PDK1: variants seen among roughly 807,000 people sequenced by gnomAD.
PDK1 encodes [Pyruvate dehydrogenase (acetyl-transferring)] kinase isozyme 1, mitochondrial.
A neutral mutation model predicts 54.2 loss-of-function variants in PDK1; 39 were observed. The observed-to-expected ratio is 0.72, with a 90% CI of 0.56 to 0.94. The LOEUF is 0.94. Ranked by LOEUF, PDK1 falls within the 40% of genes least tolerant of loss-of-function variation. The pLI, the probability that PDK1 is intolerant of heterozygous loss-of-function variation, is 0.00. For synonymous variants in PDK1, 221 were observed against 207.1 expected (o/e 1.07, Z -0.58); for missense variants, 552 against 566.0 (o/e 0.98, Z 0.25).
At position 172,584,515 on chromosome 2, in the gene PDK1, T is replaced by C. The variant is rs1690099479; in HGVS notation, c.946-1763T>C. ...TTCTTTTACTTAACTAATCCCCTAT[T>C]TAGGTTGTTTACTTTTAGGTATTCT... is the stretch of plus-strand genomic sequence containing the variant. On this transcript the variant is annotated intron_variant, in intron 8 of 10. Coordinates refer to ENST00000282077, the MANE Select transcript of PDK1 (RefSeq NM_002610.5). 3.3e-5 allele frequency among the ~76,000 whole-genome samples: 5 copies of C among 151,900 alleles called. No individual in the cohort carries two copies. In the South Asian group the frequency reaches 1.0e-3, roughly 32 times the overall value.
intron 8 of PDK1, among the ~76,000 whole-genome samples, chr2:172,583,294 T>TG (rs1558947403): frequency 2.3e-5 from 3 of 133,064 alleles, no homozygotes; most frequent in African/African-American, 5.9e-5. Flanking sequence ...TTTTTTTTTT[T>TG]TTTTTTTTTT....
chr2:172,684,282 T>C, the PDK1 span, among the ~76,000 whole-genome samples: 4 of 151,904 alleles, frequency 2.6e-5, no homozygotes, highest in Non-Finnish European at 2.9e-5. Context: ...ATTAGCCAGG[T>C]GTGGTGGTGC....
chr2:172,651,830 C>A, the PDK1 span, among the ~76,000 whole-genome samples: 1 of 152,088 alleles, frequency 6.6e-6, no homozygotes, highest in Non-Finnish European at 1.5e-5. Context: ...TAATTAATAG[C>A]CTACCAACCA....
chr2:172,647,826 C>A, the PDK1 span, among the ~76,000 whole-genome samples: 6 of 1,804 alleles, frequency 3.3e-3, no homozygotes, highest in Non-Finnish European at 0.022. Flanking sequence ...TTGTTAGTTT[C>A]TAAGGGAAGG....
At chr2:172,646,303 G>A in the PDK1 span, among the ~76,000 whole-genome samples, 2 of 152,154 alleles carry the variant, frequency 1.3e-5, no homozygotes, top group African/African-American at 4.8e-5. Flanking sequence ...TCATCTGAGA[G>A]AAGGATGCTA....
rs927389847 is a variant in PDK1 at position 172,601,816 on chromosome 2, G to GAA, written c.*5850_*5851dup. 5 of 152,042 alleles carry GAA rather than the reference G, an allele frequency of 3.3e-5. No homozygotes were observed. Among genetic ancestry groups the GAA allele is most frequent in the African/African-American group, 1.2e-4 (5 of 41,390 alleles). 9.4% of individuals were successfully genotyped at this position (152,042 alleles called of 1,614,324 possible). A position where few individuals can be genotyped will look rare whatever the true frequency, so the allele number is the denominator to read the frequency against. On this transcript the variant is annotated 3_prime_UTR_variant, in exon 11 of 11. Coordinates refer to ENST00000282077, the MANE Select transcript of PDK1 (RefSeq NM_002610.5). ...TCAGATAAACCTCCAGTCAGGAAAG[G>GAA]AAAAGGCCCAAATAAACAGTATTTA...
the PDK1 span, among the ~76,000 whole-genome samples, chr2:172,630,860 C>T: frequency 6.6e-6 from 1 of 152,114 alleles, no homozygotes; most frequent in Non-Finnish European, 1.5e-5. Context: ...GAACTCCTGA[C>T]CTCAAGCGAT....
chr2:172,617,423 C>G, the PDK1 span, among the ~76,000 whole-genome samples: 3 of 152,044 alleles, frequency 2.0e-5, no homozygotes, highest in Admixed American at 2.0e-4. Flanking sequence ...ACTGAGTAAT[C>G]TATAGAGAAT....
the PDK1 span, among the ~76,000 whole-genome samples, chr2:172,640,489 GAA>G: frequency 2.6e-5 from 4 of 152,118 alleles, no homozygotes; most frequent in Non-Finnish European, 5.9e-5. Context: ...AAGACTGAGA[GAA>G]AAAAATATAT....
chr2:172,653,208 C>G, the PDK1 span, among the ~76,000 whole-genome samples: 1 of 152,102 alleles, frequency 6.6e-6, no homozygotes, highest in Non-Finnish European at 1.5e-5. Flanking sequence ...CTGACAAAAA[C>G]AAGGAATAGG....
chr2:172,577,609 T>A (rs1053546280), intron 8 of PDK1, among the ~76,000 whole-genome samples: 2 of 152,170 alleles, frequency 1.3e-5, no homozygotes, highest in African/African-American at 4.8e-5. Context: ...TTGAGTTTTT[T>A]AAGTAATTAT....
chr2:172,582,106 T>G (rs189781212), intron 8 of PDK1, among the ~76,000 whole-genome samples: 113 of 152,120 alleles, frequency 7.4e-4, no homozygotes, highest in African/African-American at 2.6e-3. Context: ...AGAGACAGAG[T>G]TTCACCATGT....
the PDK1 span, among the ~76,000 whole-genome samples, chr2:172,683,344 CAAAA>C: frequency 6.2e-5 from 8 of 129,970 alleles, no homozygotes; most frequent in Non-Finnish European, 6.6e-5. Flanking sequence ...GAAACTCCGT[CAAAA>C]AAAAAAAAAA....
At chr2:172,567,160 A>G (rs570479181) in intron 6 of PDK1, among the ~76,000 whole-genome samples, 122 of 152,318 alleles carry the variant, frequency 8.0e-4, no homozygotes, top group Middle Eastern at 3.4e-3. Flanking sequence ...TTTTTAATTG[A>G]TAACTTTGAT....
chr2:172,622,942 T>C, the PDK1 span, among the ~76,000 whole-genome samples: 1 of 147,820 alleles, frequency 6.8e-6, no homozygotes, highest in Non-Finnish European at 1.5e-5. Context: ...ATATATGTTA[T>C]AAATATTTAG....
intron 1 of PDK1, 43 bp downstream of exon 1, chr2:172,556,389 G>T: frequency 7.5e-7 from 1 of 1,339,918 alleles, no homozygotes; most frequent in South Asian, 1.9e-5. Flanking sequence ...CGCGGTCCCG[G>T]GCGGGGAGCT....
the PDK1 span, among the ~76,000 whole-genome samples, chr2:172,628,679 C>G: frequency 6.6e-6 from 1 of 152,184 alleles, no homozygotes; most frequent in Non-Finnish European, 1.5e-5. Context: ...TCACCTAATA[C>G]TAGATTTCCC....
intron 2 of PDK1, among the ~76,000 whole-genome samples, chr2:172,560,932 T>C (rs1688622239): frequency 6.6e-6 from 1 of 152,238 alleles, no homozygotes; most frequent in South Asian, 2.1e-4. Flanking sequence ...TTCCCAGTTA[T>C]GATTCATGGA....
the PDK1 span, among the ~76,000 whole-genome samples, chr2:172,711,423 A>G: frequency 1.3e-5 from 2 of 152,250 alleles, no homozygotes; most frequent in Non-Finnish European, 2.9e-5. Context: ...TCCGCAGGAA[A>G]TGCTTAATAA....
Sources: allele counts gnomAD v4.1 joint callset (sites outside exome capture counted in the v4.1 genomes callset), GRCh38; gene constraint gnomAD v4.1.1; transcripts MANE v1.5; gene names NCBI Gene and HGNC (gene_info 2026-07-23, HGNC 2026-07-21).